The following UNC13C variants were observed in gnomAD, a reference collection of about 807,000 sequenced individuals.
The protein encoded by UNC13C is protein unc-13 homolog C.
A neutral mutation model predicts 245.4 loss-of-function variants in UNC13C; 174 were observed. The observed-to-expected ratio is 0.71, with a 90% CI of 0.63 to 0.80. The LOEUF is 0.80. UNC13C is among the 30% of genes least tolerant of loss of function. The pLI is 0.00. For synonymous variants in UNC13C, 992 were observed against 895.1 expected (o/e 1.11, Z -1.93); for missense variants, 2,829 against 2,602.9 (o/e 1.09, Z -1.89).
chr15:54,364,943 C>A (rs901473564), intron 17 of UNC13C, among the ~76,000 whole-genome samples: 1 of 152,164 alleles, frequency 6.6e-6, no homozygotes, highest in Non-Finnish European at 1.5e-5. Flanking sequence ...AATGCTTTTC[C>A]ATATGTGGAT....
the UNC13C span, among the ~76,000 whole-genome samples, chr15:53,925,248 T>C: frequency 6.6e-6 from 1 of 152,226 alleles, no homozygotes; most frequent in Non-Finnish European, 1.5e-5. Context: ...ATAGGGTAGA[T>C]ATCCTCCCAA....
chr15:54,302,043 T>A (rs943130985), intron 13 of UNC13C, among the ~76,000 whole-genome samples: 2 of 152,220 alleles, frequency 1.3e-5, no homozygotes, highest in African/African-American at 4.8e-5. Context: ...TGACCAGTGA[T>A]GATGAGCTTT....
At chr15:53,897,074 G>T in the UNC13C span, among the ~76,000 whole-genome samples, 25 of 152,322 alleles carry the variant, frequency 1.6e-4, no homozygotes, top group Admixed American at 1.0e-3. Flanking sequence ...ACTGAACCCT[G>T]CTTTCCTCCC....
chr15:54,414,983 T>C lies in UNC13C; in HGVS notation c.4849T>C (p.Phe1617Leu). 1 of 1,611,756 alleles carries C rather than the reference T, an allele frequency of 6.2e-7. No individual in the cohort carries two copies. The highest frequency in any genetic ancestry group is 8.5e-7 in the Non-Finnish European group (1 of 1,179,012). Residue 1617 changes from phenylalanine (F) to leucine (L), a missense_variant and splice_region_variant, in exon 19 of 33, where the codon TTT becomes CTT. Coordinates refer to ENST00000260323, the MANE Select transcript of UNC13C (RefSeq NM_001080534.3). Reference sequence around the variant, plus strand: ...CTAATACAATGTGTTTGGTTTTAGGTTTCCTCAAGAGCTGAACATGGGAAA... The same window carrying C: ...CTAATACAATGTGTTTGGTTTTAGGCTTCCTCAAGAGCTGAACATGGGAAA... ...KTAYTPVLNQ[F>L]PQELNMGKIS...
chr15:54,479,219 T>A (rs1486367609), intron 19 of UNC13C, among the ~76,000 whole-genome samples: 4 of 152,110 alleles, frequency 2.6e-5, no homozygotes, highest in African/African-American at 9.7e-5. Context: ...TCTCTCTCTC[T>A]TTAGCTCTAA....
intron 17 of UNC13C, among the ~76,000 whole-genome samples, chr15:54,361,157 C>T (rs1396045467): frequency 2.6e-5 from 4 of 152,068 alleles, no homozygotes; most frequent in East Asian, 1.9e-4. Context: ...TTACTCTTTT[C>T]TATTCTTTTT....
chr15:54,549,625 T>A lies in UNC13C; in HGVS notation c.5821-10T>A, dbSNP rs1386267204. The stretch of plus-strand genomic sequence containing the variant: ...GACTGAGTCTTCTCTCACTTTTTCT[T>A]TGTTTCTAGGGACCCCAGATGATTT... On this transcript the variant is annotated splice_polypyrimidine_tract_variant and intron_variant, in intron 27 of 32. Coordinates refer to ENST00000260323, the MANE Select transcript of UNC13C (RefSeq NM_001080534.3). 6.3e-7 allele frequency: 1 copy of A among 1,596,168 alleles called. No homozygotes were observed.
At chr15:53,967,034 C>T in the UNC13C span, among the ~76,000 whole-genome samples, 2 of 152,036 alleles carry the variant, frequency 1.3e-5, no homozygotes, top group South Asian at 2.1e-4. Context: ...GCTTCTATTT[C>T]TAATTCTTTC....
rs200357115 is a variant in UNC13C at position 54,297,779 on chromosome 15, A to C, written c.3989-32A>C. The C allele has an allele frequency of 1.5e-3, 2,206 of 1,476,468 alleles. 1 individual carries two copies. Among genetic ancestry groups the C allele is most frequent in the Non-Finnish European group, 2.0e-3 (2,118 of 1,067,870 alleles). 91.5% of individuals were successfully genotyped at this position (1,476,468 alleles called of 1,614,324 possible). A position where few individuals can be genotyped will look rare whatever the true frequency, so the allele number is the denominator to read the frequency against. ...TATGAGAAAAACATTATTGTCAGACATGACTGACCAATTGCCTTTTTGCTT... is the reference window on the plus strand; with the variant it reads ...TATGAGAAAAACATTATTGTCAGACCTGACTGACCAATTGCCTTTTTGCTT... On this transcript the variant is annotated intron_variant, in intron 11 of 32. Transcript: ENST00000260323.
At chr15:54,484,900 T>TA (rs1368738803) in intron 19 of UNC13C, among the ~76,000 whole-genome samples, 1 of 152,170 alleles carries the variant, frequency 6.6e-6, no homozygotes, top group Non-Finnish European at 1.5e-5. Flanking sequence ...AGTGTTTTAA[T>TA]AAAAAACTAT....
intron 17 of UNC13C, among the ~76,000 whole-genome samples, chr15:54,346,581 A>G (rs182984627): frequency 6.6e-6 from 1 of 152,360 alleles, no homozygotes; most frequent in Non-Finnish European, 1.5e-5. Flanking sequence ...GAAGAACCAT[A>G]TAAAAATAAA....
At chr15:54,495,294 C>T (rs1893900226) in intron 20 of UNC13C, among the ~76,000 whole-genome samples, 1 of 151,976 alleles carries the variant, frequency 6.6e-6, no homozygotes, top group East Asian at 1.9e-4. Context: ...TTTCCAAGTG[C>T]TGTAGAGCAA....
chr15:54,219,172 G>A (rs1292894357), intron 4 of UNC13C, among the ~76,000 whole-genome samples: 2 of 151,994 alleles, frequency 1.3e-5, no homozygotes, highest in Non-Finnish European at 2.9e-5. Context: ...CAAAGCTGGA[G>A]GCATCACGCT....
At chr15:53,963,185 G>A in the UNC13C span, among the ~76,000 whole-genome samples, 1 of 152,262 alleles carries the variant, frequency 6.6e-6, no homozygotes, top group African/African-American at 2.4e-5. Flanking sequence ...ATGGTTTATA[G>A]AGGCAAACTC....
chr15:54,490,565 T>C (rs1222793762), intron 19 of UNC13C, among the ~76,000 whole-genome samples: 2 of 152,042 alleles, frequency 1.3e-5, no homozygotes, highest in Non-Finnish European at 2.9e-5. Flanking sequence ...AGGTCTTGTC[T>C]GAAAAACTGA....
At chr15:53,973,836 A>G (rs1893615294), upstream of UNC13C, among the ~76,000 whole-genome samples, 1 of 152,128 alleles carries the variant, frequency 6.6e-6, no homozygotes, top group Admixed American at 6.5e-5. Context: ...ATCATTACCC[A>G]AGCAGAAATA....
At chr15:54,016,121 A>G (rs1268843601) in intron 2 of UNC13C, among the ~76,000 whole-genome samples, 5 of 152,196 alleles carry the variant, frequency 3.3e-5, no homozygotes, top group Admixed American at 2.0e-4. Context: ...CCCAAACTTA[A>G]CCCAACACAT....
intron 19 of UNC13C, among the ~76,000 whole-genome samples, chr15:54,423,894 C>A (rs1193537584): frequency 1.3e-5 from 2 of 151,734 alleles, no homozygotes; most frequent in Non-Finnish European, 2.9e-5. Flanking sequence ...TGAAAACTTG[C>A]TTAGATTTTT....
intron 24 of UNC13C, 69 bp from the exon 25 acceptor site, chr15:54,525,480 G>C: frequency 8.9e-7 from 1 of 1,119,206 alleles, no homozygotes; most frequent in Non-Finnish European, 1.3e-6. Context: ...TAATCAAAAT[G>C]CTTGTAAGCA....
Sources: allele counts gnomAD v4.1 joint callset (sites outside exome capture counted in the v4.1 genomes callset), GRCh38; gene constraint gnomAD v4.1.1; transcripts MANE v1.5; gene names NCBI Gene and HGNC (gene_info 2026-07-23, HGNC 2026-07-21).